The following TNS1 variants were observed in gnomAD, a reference collection of about 807,000 sequenced individuals.
TNS1 encodes tensin 1.
In TNS1, 62 loss-of-function variants were observed where a neutral mutation model predicts 168.6. The observed-to-expected ratio is 0.37, with a 90% confidence interval of 0.30 to 0.45. TNS1 has a LOEUF of 0.45. Among genes scored for constraint, TNS1 ranks in the 20% least tolerant of loss-of-function variants. TNS1 has a pLI of 1.00. For missense variants in TNS1, 2,240 were observed against 2,339.4 expected (o/e 0.96, Z 0.88); for synonymous variants, 934 against 933.2 (o/e 1.00, Z -0.02).
At chr2:217,975,672 G>A (rs968836037) in intron 3 of TNS1, among the ~76,000 whole-genome samples, 24 of 152,162 alleles carry the variant, frequency 1.6e-4, no homozygotes, top group Admixed American at 1.0e-3. Context: ...GTGAAACCAT[G>A]TGCACCCAAT....
chr2:217,806,901 C>A (rs1939231062), intron 32 of TNS1, among the ~76,000 whole-genome samples: 1 of 152,252 alleles, frequency 6.6e-6, no homozygotes, highest in Non-Finnish European at 1.5e-5. Flanking sequence ...CATGAGGCCC[C>A]TCCCCTGAAA....
chr2:217,966,249 T>C (rs1419006234), intron 3 of TNS1, among the ~76,000 whole-genome samples: 3 of 150,462 alleles, frequency 2.0e-5, no homozygotes, highest in African/African-American at 7.3e-5. Flanking sequence ...TGCCCCTCCC[T>C]GCTATGGGGA....
intron 19 of TNS1, among the ~76,000 whole-genome samples, chr2:217,844,637 C>T (rs1946403607): frequency 6.6e-6 from 1 of 152,246 alleles, no homozygotes; most frequent in Non-Finnish European, 1.5e-5. Flanking sequence ...ACACTGCCTT[C>T]CCCATCACTA....
chr2:217,829,191 C>G (rs1944037308), intron 22 of TNS1, among the ~76,000 whole-genome samples: 1 of 147,804 alleles, frequency 6.8e-6, no homozygotes, highest in Non-Finnish European at 1.5e-5. Flanking sequence ...GCCTGGCCAA[C>G]ATGGTGAAAC....
chr2:218,003,054 ACT>A (rs2105984101), upstream of TNS1: 4 of 280,114 alleles, frequency 1.4e-5, no homozygotes, highest in South Asian at 8.1e-5. Flanking sequence ...TCCTCCCCCC[ACT>A]CCACCCCTCG....
chr2:217,863,058 C>T (rs900504701), intron 18 of TNS1, among the ~76,000 whole-genome samples: 1 of 152,120 alleles, frequency 6.6e-6, no homozygotes, highest in Admixed American at 6.5e-5. Flanking sequence ...CCCTCCAAGG[C>T]TTAGTCCCTT....
intron 22 of TNS1, among the ~76,000 whole-genome samples, chr2:217,822,932 C>A (rs1422570307): frequency 6.6e-6 from 1 of 152,208 alleles, no homozygotes. Context: ...ACCTCCAAAT[C>A]CCACCCTGTC....
chr2:217,877,590 C>G (rs1019068357), intron 18 of TNS1, among the ~76,000 whole-genome samples: 7 of 152,312 alleles, frequency 4.6e-5, no homozygotes, highest in Non-Finnish European at 8.8e-5. Context: ...AGTCAGCCTT[C>G]AGAGAACAGA....
At chr2:217,912,977 G>T (rs1211681001) in intron 4 of TNS1, among the ~76,000 whole-genome samples, 2 of 152,174 alleles carry the variant, frequency 1.3e-5, no homozygotes, top group Non-Finnish European at 2.9e-5. Flanking sequence ...AGGGAGGGTG[G>T]CCGCTCAATG....
intron 24 of TNS1, 129 bp from the exon 25 acceptor site, chr2:217,815,127 C>T: frequency 1.4e-6 from 1 of 709,524 alleles, no homozygotes; most frequent in East Asian, 2.7e-5. Context: ...CAGATGTAGA[C>T]AAATTAAGAT....
chr2:217,903,938 T>C, intron 6 of TNS1: 1 of 353,316 alleles, frequency 2.8e-6, no homozygotes, highest in Non-Finnish European at 5.1e-6. Flanking sequence ...AGCCCTGCTT[T>C]CCTTTGAGGT....
intron 6 of TNS1, chr2:217,901,937 C>T (rs2125765301): frequency 6.6e-6 from 1 of 152,426 alleles, no homozygotes; most frequent in South Asian, 2.1e-4. Flanking sequence ...AGGCTCTGCC[C>T]AGAGTCCCAG....
chr2:217,854,671 T>A (rs1380638393), intron 18 of TNS1, among the ~76,000 whole-genome samples: 1 of 152,118 alleles, frequency 6.6e-6, no homozygotes, highest in African/African-American at 2.4e-5. Context: ...TGATGAGAAG[T>A]GAAGCTTGGC....
intron 2 of TNS1, among the ~76,000 whole-genome samples, chr2:217,988,952 C>T (rs1024917411): frequency 6.6e-6 from 1 of 152,150 alleles, no homozygotes; most frequent in Non-Finnish European, 1.5e-5. Flanking sequence ...AGAAATTGTT[C>T]AGTGGGCTCT....
chr2:217,917,601 G>A (rs1434192958), intron 4 of TNS1, among the ~76,000 whole-genome samples: 1 of 152,000 alleles, frequency 6.6e-6, no homozygotes, highest in Non-Finnish European at 1.5e-5. Flanking sequence ...AGAGGCCGAG[G>A]CGGGAGGATC....
At chr2:217,876,075 C>T (rs1950178097) in intron 18 of TNS1, among the ~76,000 whole-genome samples, 1 of 152,148 alleles carries the variant, frequency 6.6e-6, no homozygotes, top group Non-Finnish European at 1.5e-5. Context: ...TGTTCCCATC[C>T]TCTCTGTTGA....
chr2:218,029,424 C>T (rs934083566), intron 1 of TNS1, among the ~76,000 whole-genome samples: 1 of 152,240 alleles, frequency 6.6e-6, no homozygotes, highest in African/African-American at 2.4e-5. Context: ...AAACAGAAAT[C>T]TGGCTTCATG....
intron 3 of TNS1, among the ~76,000 whole-genome samples, chr2:217,957,369 A>C (rs754617027): frequency 8.5e-5 from 13 of 152,166 alleles, no homozygotes; most frequent in Admixed American, 4.6e-4. Flanking sequence ...AGCCCCTTCC[A>C]GAGCCCCCTC....
rs1957968060 is a variant in TNS1, at chr2:217,979,022, G to A, written c.149-220C>T. ...CCGGGACTGAGGACCCGCGGCCGGGGAGGCAGGGGGCTCCCAGAGCCAGAG... is the reference window on the plus strand; with the variant it reads ...CCGGGACTGAGGACCCGCGGCCGGGAAGGCAGGGGGCTCCCAGAGCCAGAG... On this transcript the variant is annotated intron_variant, in intron 2 of 32. Transcript: ENST00000682258. The A allele has an allele frequency of 1.6e-5, 8 of 505,702 alleles. No individual in the cohort carries two copies. The South Asian group carries it at 2.1e-4, about 13-fold the overall frequency. The allele number at this position is 505,702 out of a possible 1,614,324, so 31.3% of individuals were successfully genotyped here.
Sources: gnomAD v4.1 joint callset for allele counts (sites outside exome capture counted in the v4.1 genomes callset) on GRCh38, gnomAD v4.1.1 for gene constraint, MANE v1.5 for transcripts, NCBI Gene and HGNC (gene_info 2026-07-23, HGNC 2026-07-21) for gene names.